The following WASF1 variants were observed in gnomAD, a reference collection of about 807,000 sequenced individuals.
WASF1 encodes the protein actin-binding protein WASF1.
A neutral mutation model predicts 50.5 loss-of-function variants in WASF1; 7 were observed. The observed-to-expected ratio is 0.14, with a 90% CI of 0.08 to 0.26. The LOEUF (loss-of-function observed/expected upper bound fraction) is 0.26. WASF1 is among the 10% of genes least tolerant of loss of function. The pLI is 1.00. For synonymous variants in WASF1, 205 were observed against 244.0 expected (o/e 0.84, Z 1.49); for missense variants, 470 against 694.7 (o/e 0.68, Z 3.64).
At chr6:110,155,536 CTTTTTTTTTTTTTTTTTT>C (rs66645132) in intron 3 of WASF1, among the ~76,000 whole-genome samples, 1 of 45,958 alleles carries the variant, frequency 2.2e-5, no homozygotes, top group African/African-American at 7.5e-5. Flanking sequence ...AAAGTGCCTT[CTTTTTTTTTTTTTTTTTT>C]TTTTTTTTTT....
intron 3 of WASF1, among the ~76,000 whole-genome samples, chr6:110,148,638 G>A (rs961603949): frequency 1.3e-5 from 2 of 152,080 alleles, no homozygotes; most frequent in South Asian, 2.1e-4. Flanking sequence ...TCATATTGAC[G>A]ATTTTCTATG....
chr6:110,138,433 C>T (rs930681339), intron 3 of WASF1, among the ~76,000 whole-genome samples: 2 of 152,216 alleles, frequency 1.3e-5, no homozygotes, highest in Non-Finnish European at 2.9e-5. Flanking sequence ...CATGTTTCAG[C>T]TCTGTGTTAT....
intron 4 of WASF1, among the ~76,000 whole-genome samples, chr6:110,115,377 AAAG>A (rs1019112120): frequency 6.6e-6 from 1 of 152,172 alleles, no homozygotes; most frequent in African/African-American, 2.4e-5. Context: ...CTTGAAGGAA[AAAG>A]AAGGCCAAAA....
chr6:110,163,439 T>C (rs926396198), intron 2 of WASF1, among the ~76,000 whole-genome samples: 3 of 151,532 alleles, frequency 2.0e-5, no homozygotes, highest in Admixed American at 6.6e-5. Flanking sequence ...TGTTCTCATA[T>C]GGCAGAAAGC....
chr6:110,109,313 A>G (rs1773456844), intron 5 of WASF1, among the ~76,000 whole-genome samples: 1 of 152,194 alleles, frequency 6.6e-6, no homozygotes, highest in Admixed American at 6.5e-5. Flanking sequence ...TATCTTGTAC[A>G]TTAGTATTCC....
chr6:110,130,610 C>T (rs1444753917), intron 3 of WASF1, among the ~76,000 whole-genome samples: 2 of 152,142 alleles, frequency 1.3e-5, no homozygotes, highest in Non-Finnish European at 2.9e-5. Context: ...AATTTATTTA[C>T]CCATTCTAAT....
rs1562170322 is a variant in WASF1, at chr6:110,124,240, CTCT to C, written c.133+3226_133+3228del. ...CTCCTCTCTCTCCTCTCTCTCCTCT[CTCT>C]CTCTCTCTCTCTCTCTCTCTCTCTC... On this transcript the variant is annotated intron_variant, in intron 4 of 10. Transcript: ENST00000392589. Among the ~76,000 whole-genome samples the C allele has an allele frequency of 5.2e-4, 16 of 30,824 alleles. 1 individual carries two copies. The highest frequency in any genetic ancestry group is 7.9e-4 in the Non-Finnish European group (14 of 17,728). The allele number at this position is 30,824 out of a possible 152,430, so 20.2% of individuals were successfully genotyped here.
chr6:110,155,536 CTTTTTTTTTTTTTT>C (rs66645132), intron 3 of WASF1, among the ~76,000 whole-genome samples: 8 of 45,956 alleles, frequency 1.7e-4, no homozygotes, highest in Admixed American at 1.1e-3. Context: ...AAAGTGCCTT[CTTTTTTTTTTTTTT>C]TTTTTTTTTT....
In WASF1 at chr6:110,166,108, G is replaced by C. The variant is rs1227090128; in HGVS notation, c.-126-5376C>G. On this transcript the variant is annotated intron_variant, in intron 2 of 10. Coordinates refer to ENST00000392589, the MANE Select transcript of WASF1 (RefSeq NM_003931.3). ...TCAGTGATACACCAAGCCAAAATAC[G>C]ATAAGCCATTTATTCTATATTATTT... is the stretch of plus-strand genomic sequence containing the variant. Among the ~76,000 whole-genome samples the C allele has an allele frequency of 2.6e-5, 4 of 151,388 alleles. No individual in the cohort carries two copies. In the South Asian group the frequency reaches 8.3e-4, roughly 31 times the overall value.
rs6913554 is a variant in WASF1 at position 110,179,521 on chromosome 6, G to A, written c.-354C>T. The stretch of plus-strand genomic sequence containing the variant: ...GGTCCCCCTCGGCTCGCGGGACTCC[G>A]CCTAGAGCCCCCAGGAGGGTCGGGC... On this transcript the variant is annotated 5_prime_UTR_variant, in exon 1 of 11. Coordinates refer to ENST00000392589, the MANE Select transcript of WASF1 (RefSeq NM_003931.3). 0.2 allele frequency: 30,888 copies of A among 151,792 alleles called. 4,339 individuals are homozygous for A. The highest frequency in any genetic ancestry group is 0.4 in the African/African-American group (16,416 of 41,364). 9.4% of individuals were successfully genotyped at this position (151,792 alleles called of 1,614,324 possible).
At chr6:110,104,861 G>C (rs572239099) in intron 8 of WASF1, among the ~76,000 whole-genome samples, 1 of 152,284 alleles carries the variant, frequency 6.6e-6, no homozygotes, top group Non-Finnish European at 1.5e-5. Flanking sequence ...TAATGTGTTT[G>C]CTGGTAGTAT....
intron 3 of WASF1, among the ~76,000 whole-genome samples, chr6:110,133,733 T>A (rs1486750853): frequency 6.6e-6 from 1 of 152,200 alleles, no homozygotes; most frequent in Non-Finnish European, 1.5e-5. Flanking sequence ...ATGGGATTTT[T>A]TTTTCTGATA....
chr6:110,101,066 A>G (rs2114444429), intron 10 of WASF1, among the ~76,000 whole-genome samples: 1 of 152,304 alleles, frequency 6.6e-6, no homozygotes, highest in South Asian at 2.1e-4. Flanking sequence ...GAAAGGCACT[A>G]TTATTCATTC....
chr6:110,124,037 A>G (rs1774254638), intron 4 of WASF1, among the ~76,000 whole-genome samples: 1 of 151,884 alleles, frequency 6.6e-6, no homozygotes, highest in African/African-American at 2.4e-5. Flanking sequence ...ACAAGGGCTT[A>G]CACCAGATGC....
intron 4 of WASF1, among the ~76,000 whole-genome samples, chr6:110,114,678 C>T (rs1773715274): frequency 6.6e-6 from 1 of 151,818 alleles, no homozygotes; most frequent in African/African-American, 2.4e-5. Flanking sequence ...TTGATACTTT[C>T]AGGAAGAGGT....
At chr6:110,162,330 T>G (rs1477803500) in intron 2 of WASF1, among the ~76,000 whole-genome samples, 1 of 151,062 alleles carries the variant, frequency 6.6e-6, no homozygotes, top group African/African-American at 2.4e-5. Context: ...AAATTAAGAT[T>G]TGTCACGCAG....
intron 4 of WASF1, among the ~76,000 whole-genome samples, chr6:110,119,024 T>C (rs149625514): frequency 0.04 from 6,078 of 152,256 alleles, 142 homozygotes; most frequent in East Asian, 0.12. Flanking sequence ...TACCAGAATC[T>C]CTGGGACACA....
At chr6:110,149,596 A>G (rs1237334809) in intron 3 of WASF1, among the ~76,000 whole-genome samples, 1 of 152,164 alleles carries the variant, frequency 6.6e-6, no homozygotes, top group Non-Finnish European at 1.5e-5. Context: ...TTTGTAGATT[A>G]GCAAACTTAC....
rs778499834 is a variant in WASF1 at position 110,137,104 on chromosome 6, T to C, written c.-28-9475A>G. On this transcript the variant is annotated intron_variant, in intron 3 of 10. Coordinates refer to ENST00000392589, the MANE Select transcript of WASF1 (RefSeq NM_003931.3). ...TAAGAAATGTTAAATATGTATCTGC[T>C]GAATAACTCAAAATTTCTTAATTCC... is the stretch of plus-strand genomic sequence containing the variant. 1.4e-4 allele frequency among the ~76,000 whole-genome samples: 21 copies of C among 152,334 alleles called. No homozygotes were observed. The East Asian group carries it at 1.5e-3, about 11-fold the overall frequency.
Sources: allele counts gnomAD v4.1 joint callset (sites outside exome capture counted in the v4.1 genomes callset), GRCh38; gene constraint gnomAD v4.1.1; transcripts MANE v1.5; gene names NCBI Gene and HGNC (gene_info 2026-07-23, HGNC 2026-07-21).